Variants in DYNC1LI1 observed in about 807,000 individuals in gnomAD.
DYNC1LI1 encodes the protein cytoplasmic dynein 1 light intermediate chain 1.
DYNC1LI1 carries 19 observed loss-of-function variants against 63.8 expected under a neutral mutation model. The ratio of observed to expected loss-of-function variants is 0.30; its 90% confidence interval spans 0.21 to 0.44. The LOEUF (loss-of-function observed/expected upper bound fraction) is 0.44. DYNC1LI1 is among the 20% of genes least tolerant of loss of function. The pLI is 1.00. For synonymous variants in DYNC1LI1, 225 were observed against 232.3 expected (o/e 0.97, Z 0.28); for missense variants, 565 against 630.2 (o/e 0.90, Z 1.11).
intron 11 of DYNC1LI1, 124 bp downstream of exon 11, chr3:32,529,416 T>C (rs1288851304): frequency 8.2e-6 from 7 of 854,836 alleles, no homozygotes; most frequent in Non-Finnish European, 1.0e-5. Context: ...TATATATCCA[T>C]AGAGACAAAG....
chr3:32,530,593 T>C (rs992552496), intron 8 of DYNC1LI1, 73 bp from the exon 9 acceptor site: 38 of 1,309,542 alleles, frequency 2.9e-5, no homozygotes, highest in South Asian at 7.3e-5. Context: ...ATTCTCTAGA[T>C]TGGACTAATT....
chr3:32,529,338 T>C (rs1559433323), intron 11 of DYNC1LI1, among the ~76,000 whole-genome samples: 1 of 147,988 alleles, frequency 6.8e-6, no homozygotes, highest in African/African-American at 2.4e-5. Flanking sequence ...ACAAAACTTT[T>C]ATCATGGAAA....
chr3:32,570,280 C>G, intron 2 of DYNC1LI1, 66 bp downstream of exon 2: 2 of 1,328,536 alleles, frequency 1.5e-6, no homozygotes, highest in Non-Finnish European at 1.1e-6. Flanking sequence ...AGCGAGCTAG[C>G]CCGCGGACCA....
At chr3:32,527,068 G>T (rs147509501) in intron 12 of DYNC1LI1, among the ~76,000 whole-genome samples, 160 bp from the exon 13 acceptor site, 4 of 152,344 alleles carry the variant, frequency 2.6e-5, no homozygotes, top group African/African-American at 7.2e-5. Context: ...CAAGCTGGGT[G>T]TGGTGGCTCA....
intron 5 of DYNC1LI1, among the ~76,000 whole-genome samples, chr3:32,539,818 A>C (rs1016848303): frequency 6.6e-6 from 1 of 151,654 alleles, no homozygotes; most frequent in African/African-American, 2.4e-5. Context: ...TACAGGCGTG[A>C]GCCACCACGC....
chr3:32,547,712 C>T (rs1022379713), intron 2 of DYNC1LI1, among the ~76,000 whole-genome samples: 2 of 152,120 alleles, frequency 1.3e-5, no homozygotes, highest in African/African-American at 4.8e-5. Context: ...TCTAATACTT[C>T]ACAGCAATAA....
intron 2 of DYNC1LI1, 33 bp downstream of exon 2, chr3:32,570,313 C>CGGGCG (rs753335409): frequency 1.2e-4 from 184 of 1,513,672 alleles, no homozygotes; most frequent in South Asian, 1.0e-3. Context: ...CGCTGGGGGC[C>CGGGCG]GGGCGGGGCG....
intron 2 of DYNC1LI1, among the ~76,000 whole-genome samples, chr3:32,554,297 T>C (rs1396316606): frequency 6.6e-6 from 1 of 152,216 alleles, no homozygotes; most frequent in African/African-American, 2.4e-5. Context: ...CAGTACTCTG[T>C]AGATGTGTTT....
At chr3:32,539,524 A>T (rs1163662167) in intron 5 of DYNC1LI1, among the ~76,000 whole-genome samples, 19 of 151,962 alleles carry the variant, frequency 1.3e-4, no homozygotes, top group East Asian at 3.9e-4. Flanking sequence ...AGAACATGAA[A>T]TTGATCTATT....
chr3:32,539,678 GGCGCCCGCCAC>G (rs1575151533), intron 5 of DYNC1LI1, among the ~76,000 whole-genome samples: 1 of 151,364 alleles, frequency 6.6e-6, no homozygotes, highest in Non-Finnish European at 1.5e-5. Flanking sequence ...TGGGACTACA[GGCGCCCGCCAC>G]CATGCCTGGC....
chr3:32,570,736 G>A lies in DYNC1LI1; in HGVS notation c.35C>T (p.Ser12Phe). The change falls in exon 1 of 13, where the codon TCT (serine) becomes TTT (phenylalanine). Residue 12 changes from serine (S) to phenylalanine (F), a missense_variant. Ser to Phe is a radical substitution (Grantham distance 155). Transcript: ENST00000273130. ...AAVGRVGSFGSSPPGLSSTYT... is the reference protein window; with the variant it reads ...AAVGRVGSFGFSPPGLSSTYT... Reference sequence around the variant, plus strand: ...AGTCGAGGATAATCCCGGCGGAGAAGAACCGAAGGAGCCGACTCGCCCCAC... The same window carrying A: ...AGTCGAGGATAATCCCGGCGGAGAAAAACCGAAGGAGCCGACTCGCCCCAC... 1 of 1,607,690 alleles carries A rather than the reference G, an allele frequency of 6.2e-7. No individual in the cohort carries two copies. Among genetic ancestry groups the A allele is most frequent in the Non-Finnish European group, 8.5e-7 (1 of 1,177,032 alleles).
At chr3:32,556,545 T>C (rs1698116943) in intron 2 of DYNC1LI1, among the ~76,000 whole-genome samples, 1 of 152,168 alleles carries the variant, frequency 6.6e-6, no homozygotes, top group African/African-American at 2.4e-5. Context: ...GTTTCCTTCT[T>C]GTTTCTCTGT....
intron 7 of DYNC1LI1, 118 bp from the exon 8 acceptor site, chr3:32,533,215 G>GA: frequency 5.9e-6 from 8 of 1,366,704 alleles, no homozygotes; most frequent in Non-Finnish European, 7.5e-6. Flanking sequence ...TATGGAAAAC[G>GA]AATTAGCTTT....
At chr3:32,527,459 A>T (rs1297516901) in intron 12 of DYNC1LI1, among the ~76,000 whole-genome samples, 1 of 152,192 alleles carries the variant, frequency 6.6e-6, no homozygotes, top group African/African-American at 2.4e-5. Flanking sequence ...GAAAATAGCA[A>T]CAAAAATGTA....
chr3:32,530,450 T>C lies in DYNC1LI1; in HGVS notation c.1140+11A>G, dbSNP rs759161224. 97 of 1,612,796 alleles carry C rather than the reference T, an allele frequency of 6.0e-5. No homozygotes were observed. The Admixed American group carries it at 1.5e-3, about 26-fold the overall frequency. On this transcript the variant is annotated intron_variant, in intron 9 of 12. Transcript: ENST00000273130. ...AACCATACTAAGTCTGCTTCTGATA[T>C]AATTTCATACCTGTAGCTTCATAAG...
rs764625805 is a variant in DYNC1LI1 at position 32,530,346 on chromosome 3, A to T, written c.1141-18T>A. ...AAAAGGGACTGAAAAAAAAAAAAAA[A>T]AAGAATCCTAGTTTAGACATTCATA... On this transcript the variant is annotated intron_variant, in intron 9 of 12. Transcript: ENST00000273130. The T allele has an allele frequency of 1.1e-5, 18 of 1,601,498 alleles. No individual in the cohort carries two copies. The highest frequency in any genetic ancestry group is 1.5e-5 in the Non-Finnish European group (18 of 1,176,026).
chr3:32,537,902 T>TATATATATA (rs1344549361), intron 5 of DYNC1LI1, among the ~76,000 whole-genome samples: 3 of 50,022 alleles, frequency 6.0e-5, no homozygotes, highest in Non-Finnish European at 1.2e-4. Context: ...ATATATATAA[T>TATATATATA]ATATATATAT....
intron 10 of DYNC1LI1, among the ~76,000 whole-genome samples, 169 bp from the exon 11 acceptor site, chr3:32,529,829 T>C (rs558751947): frequency 6.6e-6 from 1 of 152,346 alleles, no homozygotes; most frequent in Admixed American, 6.5e-5. Flanking sequence ...TATTAGAGAA[T>C]GCCAGACAGA....
At position 32,570,845 on chromosome 3, in the gene DYNC1LI1, G is replaced by C; in HGVS notation, c.-75C>G. On this transcript the variant is annotated 5_prime_UTR_variant, in exon 1 of 13. Coordinates refer to ENST00000273130, the MANE Select transcript of DYNC1LI1 (RefSeq NM_016141.4). ...CTGAGGCGGTGGCGGTGGAGGCGGC[G>C]GGAACCCGGATATGGGGCGTTCAGC... 6.6e-7 allele frequency: 1 copy of C among 1,520,706 alleles called. No individual in the cohort carries two copies. The highest frequency in any genetic ancestry group is 2.5e-5 in the East Asian group (1 of 40,378). The allele number at this position is 1,520,706 out of a possible 1,614,324, so 94.2% of individuals were successfully genotyped here.
Sources: allele counts gnomAD v4.1 joint callset (sites outside exome capture counted in the v4.1 genomes callset), GRCh38; gene constraint gnomAD v4.1.1; transcripts MANE v1.5; gene names NCBI Gene and HGNC (gene_info 2026-07-23, HGNC 2026-07-21).